TENT4A: variants seen among roughly 807,000 people sequenced by gnomAD.
The protein encoded by TENT4A is terminal nucleotidyltransferase 4A, also known as DNA polymerase kappa.
Under a neutral mutation model 72.8 loss-of-function variants are expected in TENT4A, and 7 were observed. The ratio of observed to expected loss-of-function variants is 0.10; its 90% CI spans 0.05 to 0.18. The LOEUF (loss-of-function observed/expected upper bound fraction) is 0.18. TENT4A is among the 10% of genes least tolerant of loss of function. TENT4A has a pLI of 1.00. For missense variants in TENT4A, 831 were observed against 1,017.7 expected (o/e 0.82, Z 2.50); for synonymous variants, 456 against 434.3 (o/e 1.05, Z -0.62).
At position 6,748,454 on chromosome 5, in the gene TENT4A, T is replaced by A. The variant is rs1217470610; in HGVS notation, c.1460-10T>A. 2 of 1,613,914 alleles carry A rather than the reference T, an allele frequency of 1.2e-6. No homozygotes were observed. Among genetic ancestry groups the A allele is most frequent in the Non-Finnish European group, 1.7e-6 (2 of 1,179,816 alleles). ...TGTGGGGAGGGTCTGACATAGCCTT[T>A]TTGCTGCAGGGAATGACGTTGGCCG... is the stretch of plus-strand genomic sequence containing the variant. On this transcript the variant is annotated splice_polypyrimidine_tract_variant and intron_variant, in intron 7 of 12. Coordinates refer to ENST00000230859, the MANE Select transcript of TENT4A (RefSeq NM_006999.6).
At position 6,753,009 on chromosome 5, in the gene TENT4A, C is replaced by T. The variant is rs143141039; in HGVS notation, c.2156C>T (p.Pro719Leu). Residue 719 changes from proline (P) to leucine (L), a missense_variant, in exon 12 of 13, where the codon CCG (proline) becomes CTG (leucine). Pro to Leu is a moderately conservative substitution (Grantham distance 98, BLOSUM62 -3). This residue lies in a region of TENT4A where 332 missense variants were observed against 324.3 expected (regional missense o/e 1.02). Transcript: ENST00000230859. ...GCCATTCCCTCAGCGTCCCCCAACC[C>T]GCTCTCGAGCCCTCATCTGTATCAT... ...SPAIPSASPN[P>L]LSSPHLYHKQ... The T allele has an allele frequency of 1.1e-4, 185 of 1,614,052 alleles. No individual in the cohort carries two copies. In the Admixed American group the frequency reaches 1.3e-3, roughly 11 times the overall value.
At chr5:6,716,366 G>T (rs1178957324) in intron 1 of TENT4A, among the ~76,000 whole-genome samples, 1 of 152,190 alleles carries the variant, frequency 6.6e-6, no homozygotes, top group African/African-American at 2.4e-5. Context: ...CTGCTCAGTT[G>T]TGCAGGTCCC....
chr5:6,750,235 C>G (rs573933409), intron 9 of TENT4A, 96 bp from the exon 10 acceptor site: 1 of 945,118 alleles, frequency 1.1e-6, no homozygotes, highest in Non-Finnish European at 1.5e-6. Context: ...ACATTAGCAG[C>G]GTTCCCGGCT....
chr5:6,725,109 C>G (rs1358373182), intron 1 of TENT4A, among the ~76,000 whole-genome samples: 2 of 152,220 alleles, frequency 1.3e-5, no homozygotes, highest in African/African-American at 4.8e-5. Context: ...ATCACAAGTT[C>G]AGGAGATCGA....
At chr5:6,746,113 A>G in intron 6 of TENT4A, 101 bp from the exon 7 acceptor site, 2 of 1,581,538 alleles carry the variant, frequency 1.3e-6, no homozygotes, top group Non-Finnish European at 1.7e-6. Context: ...ACTCACTGGT[A>G]TTGCCTTGAA....
chr5:6,721,071 T>G lies in TENT4A; in HGVS notation c.716+6372T>G, dbSNP rs190258464. Among the ~76,000 whole-genome samples the G allele has an allele frequency of 2.4e-4, 37 of 152,292 alleles. No homozygotes were observed. In the East Asian group the frequency reaches 6.9e-3, roughly 29 times the overall value. ...CCTGAGCCCCCTGAGTGTTTGGCTC[T>G]TGTGGAGTTGCTGCTATTACTAAGT... On this transcript the variant is annotated intron_variant, in intron 1 of 12. Coordinates refer to ENST00000230859, the MANE Select transcript of TENT4A (RefSeq NM_006999.6).
intron 12 of TENT4A, among the ~76,000 whole-genome samples, chr5:6,753,306 A>G (rs1742514675): frequency 6.6e-6 from 1 of 152,264 alleles, no homozygotes; most frequent in African/African-American, 2.4e-5. Flanking sequence ...AGTTTGAAAT[A>G]AGGCTCAAAA....
intron 1 of TENT4A, among the ~76,000 whole-genome samples, chr5:6,715,279 C>G (rs775887837): frequency 6.6e-6 from 1 of 152,180 alleles, no homozygotes; most frequent in South Asian, 2.1e-4. Flanking sequence ...AAAGAAAAAA[C>G]CAGATTTGTC....
intron 3 of TENT4A, 32 bp downstream of exon 3, chr5:6,738,761 G>C (rs201055222): frequency 3.4e-5 from 52 of 1,533,714 alleles, no homozygotes; most frequent in Non-Finnish European, 4.3e-5. Flanking sequence ...ATGGGCTAGT[G>C]GGGGGCTGGG....
rs764509563 is a variant in TENT4A, at chr5:6,751,192, A to C, written c.2014A>C (p.Asn672His). The C allele has an allele frequency of 4.2e-5, 67 of 1,614,072 alleles. No homozygotes were observed. Among genetic ancestry groups the C allele is most frequent in the Non-Finnish European group, 5.0e-5 (59 of 1,180,032 alleles). The change falls in exon 11 of 13, where the codon AAT becomes CAT. Residue 672 changes from asparagine to histidine, a missense_variant. Around this residue, in one of 3 missense-constraint regions of TENT4A, gnomAD observed 332 missense variants for 324.3 expected, o/e 1.02. Transcript: ENST00000230859. ...CAGAACACTGATCATGACAACCAAC[A>C]ATCAGGTACGTGGCCCTCTGGCACC... is the stretch of plus-strand genomic sequence containing the variant. ...TSRTLIMTTN[N>H]QTRFTIPPPT...
Position 6,748,549 on chromosome 5 carries a change from G to T in TENT4A, c.1545G>T (p.Val515=). The T allele has an allele frequency of 6.2e-7, 1 of 1,614,030 alleles. No individual in the cohort carries two copies. Among genetic ancestry groups the T allele is most frequent in the African/African-American group, 1.3e-5 (1 of 75,026 alleles). The change falls in exon 8 of 13, where the codon GTG becomes GTT. Residue 515 remains valine, a synonymous_variant. Transcript: ENST00000230859. ...DYAYIVLSHA[V]SPLARSYPNR... The stretch of plus-strand genomic sequence containing the variant: ...CCTACATAGTGCTCAGCCATGCTGT[G>T]TCACCGCTGGCCAGGTCCTATCCAA...
intron 1 of TENT4A, among the ~76,000 whole-genome samples, chr5:6,731,851 A>G (rs1741230048): frequency 6.6e-6 from 1 of 152,208 alleles, no homozygotes; most frequent in African/African-American, 2.4e-5. Flanking sequence ...AGAATGTCCT[A>G]GACAAGCCCA....
At chr5:6,752,629 G>A (rs914836087) in intron 11 of TENT4A, among the ~76,000 whole-genome samples, 2 of 152,256 alleles carry the variant, frequency 1.3e-5, no homozygotes, top group Non-Finnish European at 2.9e-5. Context: ...GATCTTCAAT[G>A]AGTTTCAAAC....
At chr5:6,750,249 C>G in intron 9 of TENT4A, 82 bp from the exon 10 acceptor site, 1 of 1,204,316 alleles carries the variant, frequency 8.3e-7, no homozygotes, top group African/African-American at 1.6e-5. Flanking sequence ...CCCGGCTCAG[C>G]AGAGCCCGTG....
At chr5:6,719,027 TTCTG>T (rs1004236342) in intron 1 of TENT4A, among the ~76,000 whole-genome samples, 20 of 152,130 alleles carry the variant, frequency 1.3e-4, no homozygotes, top group Admixed American at 8.5e-4. Context: ...GCAAAGTGGG[TTCTG>T]TCTGTCTTGC....
At chr5:6,751,309 G>C in intron 11 of TENT4A, 112 bp downstream of exon 11, 2 of 1,180,884 alleles carry the variant, frequency 1.7e-6, no homozygotes, top group Non-Finnish European at 2.5e-6. Flanking sequence ...GTAACTTTTT[G>C]AGTATTTGGC....
intron 1 of TENT4A, among the ~76,000 whole-genome samples, chr5:6,725,790 A>G (rs1740889107): frequency 6.6e-6 from 1 of 151,982 alleles, no homozygotes; most frequent in Admixed American, 6.6e-5. Flanking sequence ...GTGTAGATGG[A>G]CACATGGATT....
intron 6 of TENT4A, among the ~76,000 whole-genome samples, chr5:6,745,676 T>G (rs535839337): frequency 6.6e-6 from 1 of 152,112 alleles, no homozygotes; most frequent in East Asian, 1.9e-4. Flanking sequence ...GAACTGAGAG[T>G]GGTGCTCATC....
chr5:6,745,935 G>T, intron 6 of TENT4A: 1 of 945,898 alleles, frequency 1.1e-6, no homozygotes, highest in Non-Finnish European at 1.4e-6. Flanking sequence ...GCCCATATTT[G>T]GTTAATCAGA....
Sources: allele counts gnomAD v4.1 joint callset (sites outside exome capture counted in the v4.1 genomes callset), GRCh38; gene constraint gnomAD v4.1.1; regional missense constraint gnomAD v4.1.1; transcripts MANE v1.5; gene names NCBI Gene and HGNC (gene_info 2026-07-23, HGNC 2026-07-21).